Variants in WWOX observed in about 807,000 individuals in gnomAD.
The protein encoded by WWOX is WW domain containing oxidoreductase.
In WWOX, 69 loss-of-function variants were observed where a neutral mutation model predicts 46.2. The observed-to-expected ratio is 1.49, with a 90% CI of 1.23 to 1.82. WWOX has a LOEUF of 1.82. Among genes scored for constraint, WWOX ranks in the 40% most tolerant of loss-of-function variants. The probability of loss-of-function intolerance (pLI) is 0.00; values close to 1 mark genes in which losing one functional copy is unlikely to be tolerated. For synonymous variants in WWOX, 359 were observed against 202.6 expected (o/e 1.77, Z -6.56); for missense variants, 919 against 542.6 (o/e 1.69, Z -6.89).
chr16:79,106,142 AC>A, intron 8 of WWOX: 1 of 152,280 alleles, frequency 6.6e-6, no homozygotes, highest in South Asian at 2.1e-4. Context: ...CACTCCCCAG[AC>A]CTACTGCGTC....
intron 8 of WWOX, among the ~76,000 whole-genome samples, chr16:79,135,600 C>G (rs1301432932): frequency 6.6e-6 from 1 of 152,136 alleles, no homozygotes; most frequent in Non-Finnish European, 1.5e-5. Flanking sequence ...CCTAGAAATT[C>G]AATTGTGGAC....
intron 8 of WWOX, among the ~76,000 whole-genome samples, chr16:79,006,759 C>A (rs569475236): frequency 6.6e-6 from 1 of 152,198 alleles, no homozygotes; most frequent in East Asian, 1.9e-4. Flanking sequence ...TTAGAGGTTG[C>A]CCATCTTCAT....
At chr16:79,185,418 T>C (rs1216780767) in intron 8 of WWOX, among the ~76,000 whole-genome samples, 2 of 152,240 alleles carry the variant, frequency 1.3e-5, no homozygotes, top group Non-Finnish European at 2.9e-5. Flanking sequence ...TATTTGACCA[T>C]ATTTTCTAAC....
chr16:79,200,541 G>C (rs1489519375), intron 8 of WWOX, among the ~76,000 whole-genome samples: 3 of 152,148 alleles, frequency 2.0e-5, no homozygotes, highest in African/African-American at 7.2e-5. Flanking sequence ...CCTGCCTGGT[G>C]GGGAGTGAGG....
chr16:78,424,481 A>G (rs143360840), intron 6 of WWOX, among the ~76,000 whole-genome samples: 2 of 152,172 alleles, frequency 1.3e-5, no homozygotes, highest in East Asian at 1.9e-4. Context: ...TTTAAGGGCT[A>G]TTTTGATTTA....
At chr16:79,041,298 G>A (rs771855467) in intron 8 of WWOX, among the ~76,000 whole-genome samples, 10 of 151,988 alleles carry the variant, frequency 6.6e-5, no homozygotes, top group South Asian at 2.1e-4. Flanking sequence ...CACCCCTCCC[G>A]CTTGTCCCCC....
chr16:78,659,621 C>T (rs925719715), intron 8 of WWOX, among the ~76,000 whole-genome samples: 1 of 152,166 alleles, frequency 6.6e-6, no homozygotes, highest in African/African-American at 2.4e-5. Context: ...AAGCACTGTA[C>T]TACTCATCTC....
chr16:78,929,441 G>A (rs2045571599), intron 8 of WWOX, among the ~76,000 whole-genome samples: 1 of 152,010 alleles, frequency 6.6e-6, no homozygotes, highest in South Asian at 2.1e-4. Context: ...TTTTGAAGAG[G>A]AACTGCTATA....
intron 8 of WWOX, among the ~76,000 whole-genome samples, chr16:78,909,510 C>T (rs2045053596): frequency 6.6e-6 from 1 of 152,198 alleles, no homozygotes; most frequent in African/African-American, 2.4e-5. Flanking sequence ...GGTTGGCCTC[C>T]TCTAGGTCCC....
In WWOX at chr16:78,414,382, A is replaced by G. The variant is rs144937494; in HGVS notation, c.606-10488A>G. Among the ~76,000 whole-genome samples the G allele has an allele frequency of 4.6e-3, 708 of 152,266 alleles. 3 individuals carry two copies. The highest frequency in any genetic ancestry group is 8.1e-3 in the Admixed American group (124 of 15,290). On this transcript the variant is annotated intron_variant, in intron 6 of 8. Transcript: ENST00000566780. The stretch of plus-strand genomic sequence containing the variant: ...TCAGGAGTTCAAGACCAGCCTGGCC[A>G]ACGTGGTGAAACCCTGCATCTACTA...
intron 8 of WWOX, among the ~76,000 whole-genome samples, chr16:79,150,325 A>G (rs1055682445): frequency 1.3e-5 from 2 of 152,354 alleles, no homozygotes; most frequent in Admixed American, 6.5e-5. Context: ...TCTCTGACTC[A>G]TGCATCAGGA....
chr16:78,380,565 A>C (rs1486886130), intron 5 of WWOX, among the ~76,000 whole-genome samples: 1 of 151,996 alleles, frequency 6.6e-6, no homozygotes, highest in Non-Finnish European at 1.5e-5. Flanking sequence ...ATGGTTTATC[A>C]CCCATTCAGC....
chr16:78,939,272 A>G (rs904117599), intron 8 of WWOX, among the ~76,000 whole-genome samples: 4 of 152,166 alleles, frequency 2.6e-5, no homozygotes, highest in African/African-American at 9.6e-5. Flanking sequence ...GAAAGGCAGT[A>G]CCTGGTCTAG....
intron 8 of WWOX, among the ~76,000 whole-genome samples, chr16:78,853,142 T>A (rs74035125): frequency 0.012 from 1,838 of 152,354 alleles, 38 homozygotes; most frequent in African/African-American, 0.042. Flanking sequence ...GTACTATACG[T>A]TATAACAATA....
chr16:78,969,303 C>G (rs953688560), intron 8 of WWOX, among the ~76,000 whole-genome samples: 1 of 150,416 alleles, frequency 6.6e-6, no homozygotes, highest in Non-Finnish European at 1.5e-5. Context: ...AAGGGTCTCT[C>G]TCTGTCACCT....
chr16:78,302,949 C>G (rs942282147), intron 5 of WWOX, among the ~76,000 whole-genome samples: 1 of 152,170 alleles, frequency 6.6e-6, no homozygotes, highest in African/African-American at 2.4e-5. Flanking sequence ...TTGTTGAAGA[C>G]AAGGCTTAGA....
chr16:78,122,612 T>C (rs1336893845), intron 4 of WWOX, among the ~76,000 whole-genome samples: 7 of 151,288 alleles, frequency 4.6e-5, no homozygotes, highest in Non-Finnish European at 3.0e-5. Context: ...TTTTTTTCTT[T>C]TTTTTTTTTT....
At chr16:78,389,338 A>G (rs913306745) in intron 6 of WWOX, among the ~76,000 whole-genome samples, 2 of 152,172 alleles carry the variant, frequency 1.3e-5, no homozygotes, top group African/African-American at 4.8e-5. Flanking sequence ...AAAGCCCCAG[A>G]CATTCTTCTG....
intron 8 of WWOX, among the ~76,000 whole-genome samples, chr16:78,579,467 CTCT>C (rs2044992519): frequency 6.6e-6 from 1 of 152,062 alleles, no homozygotes; most frequent in African/African-American, 2.4e-5. Flanking sequence ...GCGTGAGTTC[CTCT>C]TAAGTGAATA....
Sources: gnomAD v4.1 joint callset for allele counts (sites outside exome capture counted in the v4.1 genomes callset) on GRCh38, gnomAD v4.1.1 for gene constraint, MANE v1.5 for transcripts, NCBI Gene and HGNC (gene_info 2026-07-23, HGNC 2026-07-21) for gene names.